Variants in RILPL2 observed in about 807,000 individuals in gnomAD.
The protein encoded by RILPL2 is RILP-like protein 2.
Under a neutral mutation model 22.2 loss-of-function variants are expected in RILPL2, and 19 were observed. The observed-to-expected ratio is 0.86, with a 90% confidence interval of 0.60 to 1.25. The LOEUF (loss-of-function observed/expected upper bound fraction) is 1.25. RILPL2 is among the 50% of genes most tolerant of loss of function. RILPL2 has a pLI of 0.00. For missense variants in RILPL2, 243 were observed against 263.6 expected (o/e 0.92, Z 0.54); for synonymous variants, 123 against 111.6 (o/e 1.10, Z -0.64).
At chr12:123,424,331 A>ATT (rs56046247) in intron 2 of RILPL2, among the ~76,000 whole-genome samples, 12 of 135,178 alleles carry the variant, frequency 8.9e-5, no homozygotes, top group East Asian at 6.9e-4. Context: ...TAAGAGTTAG[A>ATT]TTTTTTTTTT....
intron 3 of RILPL2, 65 bp from the exon 4 acceptor site, chr12:123,415,986 C>T: frequency 6.4e-7 from 1 of 1,550,918 alleles, no homozygotes; most frequent in East Asian, 2.2e-5. Flanking sequence ...ACAGCAACCC[C>T]CGTAAAATTT....
downstream of RILPL2, chr12:123,413,662 G>A (rs1215441477): frequency 6.6e-6 from 1 of 152,262 alleles, no homozygotes; most frequent in African/African-American, 2.4e-5. Flanking sequence ...CGAGCGGGTT[G>A]CCACTGCTGC....
the RILPL2 span, among the ~76,000 whole-genome samples, chr12:123,409,964 G>C: frequency 1.3e-5 from 2 of 151,930 alleles, no homozygotes; most frequent in Non-Finnish European, 2.9e-5. Context: ...GACCTCAAGT[G>C]ATCTGCCCGC....
At chr12:123,434,516 C>A (rs1204966306) in intron 1 of RILPL2, among the ~76,000 whole-genome samples, 1 of 151,860 alleles carries the variant, frequency 6.6e-6, no homozygotes, top group Non-Finnish European at 1.5e-5. Context: ...CTCTGCCTTC[C>A]GGTTTCAAGC....
At chr12:123,423,936 A>C (rs1879363764) in intron 2 of RILPL2, among the ~76,000 whole-genome samples, 2 of 152,038 alleles carry the variant, frequency 1.3e-5, no homozygotes, top group Non-Finnish European at 2.9e-5. Flanking sequence ...TACAGGTGTG[A>C]GCCACCGTGC....
intron 2 of RILPL2, among the ~76,000 whole-genome samples, chr12:123,424,920 CA>C (rs1460604622): frequency 7.8e-6 from 1 of 128,406 alleles, no homozygotes; most frequent in East Asian, 3.4e-4. Context: ...CTAGCTCTGT[CA>C]CCCAGGCTGG....
At chr12:123,412,554 G>A (rs1431106479), downstream of RILPL2, 1 of 152,192 alleles carries the variant, frequency 6.6e-6, no homozygotes, top group East Asian at 1.9e-4. Flanking sequence ...CTGGAAGGCA[G>A]AGTGGTTGAA....
chr12:123,421,679 T>C (rs1437566644), intron 3 of RILPL2, among the ~76,000 whole-genome samples: 1 of 149,468 alleles, frequency 6.7e-6, no homozygotes, highest in Non-Finnish European at 1.5e-5. Flanking sequence ...TCCTTTTTTT[T>C]TTTTTTTTTT....
At chr12:123,411,123 ACCT>A (rs1304361263), downstream of RILPL2, 7 of 150,544 alleles carry the variant, frequency 4.6e-5, no homozygotes, top group African/African-American at 7.3e-5. Context: ...GCTCACTGAA[ACCT>A]CCACCTCCCG....
intron 1 of RILPL2, among the ~76,000 whole-genome samples, chr12:123,434,629 T>C (rs1037077933): frequency 2.0e-5 from 3 of 151,866 alleles, no homozygotes; most frequent in Admixed American, 1.3e-4. Context: ...AGTTTCACCA[T>C]GTTGGCCAGG....
chr12:123,430,673 C>G lies in RILPL2; in HGVS notation c.340-14G>C. ...GCCCAGGTTCACCTGGAAGAAAAGACGCAACCTTTGCAAGCAACTCTATAT... is the reference window on the plus strand; with the variant it reads ...GCCCAGGTTCACCTGGAAGAAAAGAGGCAACCTTTGCAAGCAACTCTATAT... On this transcript the variant is annotated splice_polypyrimidine_tract_variant and intron_variant, in intron 1 of 3. Transcript: ENST00000280571. 1.9e-6 allele frequency: 3 copies of G among 1,560,720 alleles called. No homozygotes were observed. The highest frequency in any genetic ancestry group is 1.2e-5 in the South Asian group (1 of 84,650).
intron 2 of RILPL2, among the ~76,000 whole-genome samples, chr12:123,427,389 A>G (rs972753540): frequency 6.6e-6 from 1 of 152,222 alleles, no homozygotes; most frequent in East Asian, 1.9e-4. Context: ...CTCACAGTCA[A>G]AGCAAGTCAC....
chr12:123,412,977 T>A (rs764624135), downstream of RILPL2: 9 of 152,056 alleles, frequency 5.9e-5, no homozygotes, highest in Non-Finnish European at 8.8e-5. Flanking sequence ...GGAGGGCGGA[T>A]CATGAGGTCA....
intron 2 of RILPL2, among the ~76,000 whole-genome samples, chr12:123,427,671 A>G (rs1165873931): frequency 6.6e-6 from 1 of 151,878 alleles, no homozygotes; most frequent in Non-Finnish European, 1.5e-5. Flanking sequence ...CCTCCTGAAC[A>G]GCTGGGACTA....
At chr12:123,420,968 T>C (rs1029315227) in intron 3 of RILPL2, among the ~76,000 whole-genome samples, 1 of 151,844 alleles carries the variant, frequency 6.6e-6, no homozygotes, top group Non-Finnish European at 1.5e-5. Context: ...GTAAAACAGA[T>C]CTCCTGAGTA....
chr12:123,409,584 C>G, the RILPL2 span, among the ~76,000 whole-genome samples: 2 of 148,612 alleles, frequency 1.3e-5, no homozygotes, highest in East Asian at 3.9e-4. Flanking sequence ...TCTCTGTTAC[C>G]TAGGCTGGAG....
At chr12:123,424,648 C>T (rs1487473801) in intron 2 of RILPL2, among the ~76,000 whole-genome samples, 1 of 152,024 alleles carries the variant, frequency 6.6e-6, no homozygotes, top group African/African-American at 2.4e-5. Context: ...AATTATGTTA[C>T]CAAAAAATTT....
chr12:123,435,351 A>T (rs143837384), intron 1 of RILPL2, among the ~76,000 whole-genome samples: 31 of 152,160 alleles, frequency 2.0e-4, no homozygotes, highest in African/African-American at 7.5e-4. Flanking sequence ...TTGCATTTAG[A>T]GTGTTTCCAG....
At position 123,436,547 on chromosome 12, in the gene RILPL2, G is replaced by T; in HGVS notation, c.-127C>A. 2.1e-6 allele frequency: 3 copies of T among 1,418,412 alleles called. No homozygotes were observed. The highest frequency in any genetic ancestry group is 1.4e-5 in the South Asian group (1 of 69,584). The allele number at this position is 1,418,412 out of a possible 1,614,324, so 87.9% of individuals were successfully genotyped here. ...ACCTGCCCAATCAGCGCGGCCCGGG[G>T]GTGGGCCCGGGGGGATGGTGCAAGG... On this transcript the variant is annotated 5_prime_UTR_variant, in exon 1 of 4. Coordinates refer to ENST00000280571, the MANE Select transcript of RILPL2 (RefSeq NM_145058.3). The surrounding 1 kb of genome is among the most constrained non-coding windows in gnomAD (Gnocchi z 6.7).
Sources: gnomAD v4.1 joint callset for allele counts (sites outside exome capture counted in the v4.1 genomes callset) on GRCh38, gnomAD v4.1.1 for gene constraint, Gnocchi (gnomAD v3.1) non-coding constraint, MANE v1.5 for transcripts, NCBI Gene and HGNC (gene_info 2026-07-23, HGNC 2026-07-21) for gene names.